Variants in OGG1 observed in about 807,000 individuals in gnomAD.
OGG1 encodes the protein N-glycosylase/DNA lyase.
Under a neutral mutation model 42.3 loss-of-function variants are expected in OGG1, and 35 were observed. The ratio of observed to expected loss-of-function variants is 0.83; its 90% confidence interval spans 0.63 to 1.10. The LOEUF (loss-of-function observed/expected upper bound fraction) is 1.10. Ranked by LOEUF, OGG1 falls within the 50% of genes least tolerant of loss-of-function variation. The pLI is 0.00. For synonymous variants in OGG1, 189 were observed against 179.0 expected, an observed-to-expected ratio of 1.06 and a Z score of -0.44; for missense variants, 484 against 446.7, an observed-to-expected ratio of 1.08 and a Z score of -0.75.
chr3:9,786,701 G>A (rs905406590), intron 3 of OGG1, among the ~76,000 whole-genome samples: 20 of 152,182 alleles, frequency 1.3e-4, no homozygotes. Context: ...GGGGAAAGTT[G>A]GAGAAAAACA....
intron 3 of OGG1, among the ~76,000 whole-genome samples, chr3:9,753,859 A>T (rs3219008): frequency 6.6e-6 from 1 of 152,108 alleles, no homozygotes; most frequent in African/African-American, 2.4e-5. Flanking sequence ...GGCGTTAGCC[A>T]GGTGGGGTAG....
downstream of OGG1, among the ~76,000 whole-genome samples, chr3:9,790,280 C>T (rs1258855748): frequency 6.6e-6 from 1 of 152,206 alleles, no homozygotes; most frequent in Non-Finnish European, 1.5e-5. Flanking sequence ...TCGATGTCAC[C>T]ACTACTGAGA....
intron 4 of OGG1, among the ~76,000 whole-genome samples, chr3:9,756,256 T>C (rs1330404159): frequency 6.6e-6 from 1 of 152,116 alleles, no homozygotes; most frequent in East Asian, 1.9e-4. Flanking sequence ...GAGCCAGGAT[T>C]GCACCAGTGC....
chr3:9,789,447 T>C (rs2078687983), downstream of OGG1: 2 of 1,485,552 alleles, frequency 1.3e-6, no homozygotes, highest in East Asian at 4.6e-5. Flanking sequence ...GTAGCTTTAC[T>C]TCTCAGGCAC....
downstream of OGG1, chr3:9,767,548 A>G (rs2078188171): frequency 3.0e-6 from 4 of 1,316,052 alleles, no homozygotes; most frequent in Admixed American, 7.4e-5. Context: ...TAGGCCCTAG[A>G]TAGTGCTGCC....
At chr3:9,776,321 T>G (rs2078362777) in intron 2 of OGG1, among the ~76,000 whole-genome samples, 1 of 152,152 alleles carries the variant, frequency 6.6e-6, no homozygotes, top group African/African-American at 2.4e-5. Context: ...TCTAAGCTGT[T>G]GTTAAGTCTT....
intron 3 of OGG1, chr3:9,787,152 G>A (rs2078633691): frequency 6.2e-7 from 1 of 1,614,040 alleles, no homozygotes; most frequent in African/African-American, 1.3e-5. Context: ...CTGAAGTTCT[G>A]GAATTCAAGT....
chr3:9,775,607 G>A (rs1157235454), intron 2 of OGG1, among the ~76,000 whole-genome samples: 2 of 150,822 alleles, frequency 1.3e-5, no homozygotes, highest in Non-Finnish European at 2.9e-5. Context: ...TAGAAGGCAT[G>A]TTATATATAA....
Position 9,751,936 on chromosome 3 carries a change from G to T in OGG1, c.552G>T (p.Leu184=), listed in dbSNP as rs1364550686. Residue 184 remains leucine (L), a synonymous_variant, in exon 3 of 7, where the codon CTG becomes CTT. Coordinates refer to ENST00000344629, the MANE Select transcript of OGG1 (RefSeq NM_002542.6). Reference sequence around the variant, plus strand: ...TCACCTACCATGGCTTCCCCAGCCTGCAGGCCCTGGCTGGTGAGTAGGTGG... The same window carrying T: ...TCACCTACCATGGCTTCCCCAGCCTTCAGGCCCTGGCTGGTGAGTAGGTGG... The part of the protein sequence containing the change: ...DDVTYHGFPS[L]QALAGPEVEA... 6.2e-7 allele frequency: 1 copy of T among 1,613,982 alleles called. No homozygotes were observed. The highest frequency in any genetic ancestry group is 1.3e-5 in the African/African-American group (1 of 74,910).
rs1457316595 is a variant in OGG1 at position 9,786,877 on chromosome 3, GT to G, written c.383-846del. ...AATCTTTTGCTATATATTAGTCCAGGTTTTTACTTTTGCACCAACCTATTTT... is the reference window on the plus strand; with the variant it reads ...AATCTTTTGCTATATATTAGTCCAGGTTTTACTTTTGCACCAACCTATTTT... On this transcript the variant is annotated intron_variant, in intron 3 of 3. Transcript: ENST00000426518. 2.3e-5 allele frequency: 18 copies of G among 796,524 alleles called. No homozygotes were observed. The African/African-American group carries it at 2.8e-4, about 12-fold the overall frequency. 49.3% of individuals were successfully genotyped at this position (796,524 alleles called of 1,614,324 possible). A position where few individuals can be genotyped will look rare whatever the true frequency, so the allele number is the denominator to read the frequency against.
At chr3:9,784,934 G>A (rs1374540867) in intron 3 of OGG1, among the ~76,000 whole-genome samples, 1 of 151,792 alleles carries the variant, frequency 6.6e-6, no homozygotes, top group East Asian at 1.9e-4. Context: ...CATCCATACT[G>A]GGCTACAACT....
chr3:9,789,629 A>G (rs760991022), downstream of OGG1: 1 of 1,613,402 alleles, frequency 6.2e-7, no homozygotes, highest in Admixed American at 1.7e-5. Context: ...AGGGAGAAGC[A>G]GATCCTGAGT....
downstream of OGG1, chr3:9,759,194 A>C (rs770954342): frequency 1.2e-6 from 2 of 1,613,276 alleles, no homozygotes; most frequent in African/African-American, 2.7e-5. Flanking sequence ...CAGCTCTGTC[A>C]GGTCATCACC....
At chr3:9,755,528 A>G (rs1414206466) in intron 4 of OGG1, among the ~76,000 whole-genome samples, 25 of 150,794 alleles carry the variant, frequency 1.7e-4, no homozygotes, top group Non-Finnish European at 2.9e-4. Flanking sequence ...CAGTGGTGCA[A>G]TCTCGGCTCA....
downstream of OGG1, chr3:9,762,258 C>T (rs1484691454): frequency 6.5e-6 from 1 of 153,828 alleles, no homozygotes; most frequent in African/African-American, 2.4e-5. Flanking sequence ...TGAGCCCCGT[C>T]GCTATTTCCG....
In OGG1 at chr3:9,751,929, C is replaced by T. The variant is rs1459068291; in HGVS notation, c.545C>T (p.Pro182Leu). 1.2e-6 allele frequency: 2 copies of T among 1,614,150 alleles called. No homozygotes were observed. The highest frequency in any genetic ancestry group is 8.5e-7 in the Non-Finnish European group (1 of 1,180,022). ...QLDDVTYHGFPSLQALAGPEV... is the reference protein window; with the variant it reads ...QLDDVTYHGFLSLQALAGPEV... ...GATGATGTCACCTACCATGGCTTCC[C>T]CAGCCTGCAGGCCCTGGCTGGTGAG... The change falls in exon 3 of 7, where the codon CCC becomes CTC. Residue 182 changes from proline (P) to leucine (L), a missense_variant. Physicochemically the swap from Pro to Leu is moderately conservative, Grantham distance 98. Transcript: ENST00000344629.
At position 9,773,632 on chromosome 3, in the gene OGG1, T is replaced by TC. The variant is rs1356025906; in HGVS notation, c.295-7881_295-7880insC. ...GAAAAGGGGGATGATCTTTTCTTCTTTTTTTTTTTTTTGAATGGCTAAACA... is the reference window on the plus strand; with the variant it reads ...GAAAAGGGGGATGATCTTTTCTTCTTCTTTTTTTTTTTTGAATGGCTAAACA... On this transcript the variant is annotated intron_variant, in intron 2 of 3. Transcript: ENST00000426518. Among the ~76,000 whole-genome samples the TC allele has an allele frequency of 2.1e-5, 3 of 139,850 alleles. No individual in the cohort carries two copies. In the East Asian group the frequency reaches 5.9e-4, roughly 27 times the overall value. The allele number at this position is 139,850 out of a possible 152,430, so 91.7% of individuals were successfully genotyped here. A position where few individuals can be genotyped will look rare whatever the true frequency, so the allele number is the denominator to read the frequency against.
At chr3:9,754,631 GCTCA>G (rs965636112) in intron 3 of OGG1, 69 bp from the exon 4 acceptor site, 69 of 1,518,334 alleles carry the variant, frequency 4.5e-5, no homozygotes, top group Admixed American at 1.1e-4. Context: ...GAGGTAGAGA[GCTCA>G]CTTACTAGCC....
intron 2 of OGG1, among the ~76,000 whole-genome samples, chr3:9,775,533 C>T (rs1027412606): frequency 6.6e-6 from 1 of 152,162 alleles, no homozygotes; most frequent in Non-Finnish European, 1.5e-5. Context: ...GCTCACAAAC[C>T]ACCAGTGGCT....
Sources: gnomAD v4.1 joint callset for allele counts (sites outside exome capture counted in the v4.1 genomes callset) on GRCh38, gnomAD v4.1.1 for gene constraint, MANE v1.5 for transcripts, NCBI Gene and HGNC (gene_info 2026-07-23, HGNC 2026-07-21) for gene names.